GBF1: variants seen among roughly 807,000 people sequenced by gnomAD.
GBF1 encodes the protein Golgi-specific brefeldin A-resistance guanine nucleotide exchange factor 1.
In GBF1, 114 loss-of-function variants were observed where a neutral mutation model predicts 210.5. The ratio of observed to expected loss-of-function variants is 0.54; its 90% confidence interval spans 0.47 to 0.63. GBF1 has a LOEUF of 0.63. Among genes scored for constraint, GBF1 ranks in the 30% least tolerant of loss-of-function variants. The pLI is 0.00. For missense variants in GBF1, 1,851 were observed against 2,357.7 expected, an observed-to-expected ratio of 0.79 and a Z score of 4.45; for synonymous variants, 850 against 889.2, an observed-to-expected ratio of 0.96 and a Z score of 0.78.
At chr10:102,351,104 A>AT in intron 4 of GBF1, 152 bp from the exon 5 acceptor site, 1 of 539,700 alleles carries the variant, frequency 1.9e-6, no homozygotes, top group Non-Finnish European at 3.3e-6. Context: ...AAAAAAAAAA[A>AT]TCAGTTGTGG....
At chr10:102,370,062 T>A in intron 26 of GBF1, 78 bp downstream of exon 26, 2 of 1,576,390 alleles carry the variant, frequency 1.3e-6, no homozygotes, top group East Asian at 2.2e-5. Context: ...GAAGAATAAA[T>A]CATCCAGGAT....
At chr10:102,240,127 G>A in the GBF1 span, among the ~76,000 whole-genome samples, 2 of 152,222 alleles carry the variant, frequency 1.3e-5, no homozygotes, top group East Asian at 1.9e-4. Context: ...GCCATTGGTC[G>A]CCTGATACTC....
At chr10:102,309,705 T>A (rs1164590962) in intron 3 of GBF1, among the ~76,000 whole-genome samples, 54 of 152,322 alleles carry the variant, frequency 3.5e-4, no homozygotes, top group African/African-American at 1.3e-3. Context: ...ATAACCTAGT[T>A]ATGATTTTTG....
intron 20 of GBF1, 23 bp downstream of exon 20, chr10:102,367,233 G>T: frequency 1.2e-6 from 2 of 1,612,272 alleles, no homozygotes; most frequent in Non-Finnish European, 1.7e-6. Flanking sequence ...CCCAGTCAAG[G>T]CAAAGAAGAC....
chr10:102,348,311 T>C (rs2058713571), intron 4 of GBF1, among the ~76,000 whole-genome samples: 1 of 152,192 alleles, frequency 6.6e-6, no homozygotes, highest in South Asian at 2.1e-4. Context: ...AAGAGATCAG[T>C]AGAGCTTAAA....
chr10:102,274,915 T>C (rs2074801969), intron 3 of GBF1, among the ~76,000 whole-genome samples: 1 of 151,910 alleles, frequency 6.6e-6, no homozygotes, highest in Non-Finnish European at 1.5e-5. Context: ...TTTCACCATG[T>C]TGGCCAGGCT....
chr10:102,234,537 A>G, the GBF1 span, among the ~76,000 whole-genome samples: 1 of 152,056 alleles, frequency 6.6e-6, no homozygotes, highest in South Asian at 2.1e-4. Context: ...TGGAAGGGAG[A>G]TGTCCCTGAG....
At chr10:102,356,817 G>C (rs1272222823) in intron 8 of GBF1, among the ~76,000 whole-genome samples, 1 of 147,870 alleles carries the variant, frequency 6.8e-6, no homozygotes, top group South Asian at 2.1e-4. Flanking sequence ...TTTGAACTTA[G>C]AATGGAGGAA....
At chr10:102,307,443 C>CAAA (rs1214986314) in intron 3 of GBF1, among the ~76,000 whole-genome samples, 3 of 51,816 alleles carry the variant, frequency 5.8e-5, no homozygotes, top group Admixed American at 1.9e-4. Flanking sequence ...CCAACCTTGG[C>CAAA]AAAAAAAAAA....
chr10:102,302,111 A>G (rs569578466), intron 3 of GBF1, among the ~76,000 whole-genome samples: 1 of 152,112 alleles, frequency 6.6e-6, no homozygotes, highest in East Asian at 1.9e-4. Context: ...AAAAAAATAG[A>G]AAAACCAGTC....
At position 102,323,121 on chromosome 10, in the gene GBF1, C is replaced by A. The variant is rs144120585; in HGVS notation, c.164-20930C>A. The stretch of plus-strand genomic sequence containing the variant: ...TCAGCTGCGGCTGTGGTTTGGATGT[C>A]TGGTACCATGTGGCTTCCTTTGACA... On this transcript the variant is annotated intron_variant, in intron 3 of 39. Coordinates refer to ENST00000369983, the MANE Select transcript of GBF1 (RefSeq NM_001377137.1). 1.4e-3 allele frequency among the ~76,000 whole-genome samples: 209 copies of A among 150,986 alleles called. 2 individuals carry two copies. The highest frequency in any genetic ancestry group is 4.9e-3 in the African/African-American group (202 of 41,144).
intron 1 of GBF1, among the ~76,000 whole-genome samples, chr10:102,255,570 C>G (rs979968582): frequency 6.6e-6 from 1 of 152,210 alleles, no homozygotes; most frequent in Non-Finnish European, 1.5e-5. Flanking sequence ...CCATAGTCAT[C>G]CAGTTTCTTT....
At chr10:102,338,544 G>A (rs1173871912) in intron 3 of GBF1, among the ~76,000 whole-genome samples, 5 of 151,808 alleles carry the variant, frequency 3.3e-5, no homozygotes, top group Non-Finnish European at 5.9e-5. Flanking sequence ...GCGCCCAGCC[G>A]ATTTCAACTA....
intron 8 of GBF1, among the ~76,000 whole-genome samples, chr10:102,355,887 A>G (rs980999372): frequency 2.0e-5 from 3 of 152,186 alleles, no homozygotes; most frequent in African/African-American, 4.8e-5. Flanking sequence ...CTTCTCCCAT[A>G]ACATTTTTTA....
At chr10:102,375,326 G>C in intron 29 of GBF1, 33 bp from the exon 30 acceptor site, 2 of 1,279,002 alleles carry the variant, frequency 1.6e-6, no homozygotes, top group Non-Finnish European at 2.3e-6. Flanking sequence ...ACAGCTCCCC[G>C]CTTCCCCGCT....
At chr10:102,231,004 A>T in the GBF1 span, 1 of 1,597,992 alleles carries the variant, frequency 6.3e-7, no homozygotes, top group Non-Finnish European at 8.5e-7. Flanking sequence ...GGGCGGCACC[A>T]GCCCCCCGAG....
chr10:102,327,419 A>T (rs1459073351), intron 3 of GBF1, among the ~76,000 whole-genome samples: 1 of 152,246 alleles, frequency 6.6e-6, no homozygotes, highest in Non-Finnish European at 1.5e-5. Flanking sequence ...TTTAGTCAAG[A>T]GAAACAAACA....
chr10:102,254,249 T>A (rs989787031), intron 1 of GBF1, among the ~76,000 whole-genome samples: 1 of 152,166 alleles, frequency 6.6e-6, no homozygotes, highest in East Asian at 1.9e-4. Context: ...AATACTCTCC[T>A]GTAGCCAGGT....
the GBF1 span, chr10:102,232,237 A>G: frequency 3.2e-6 from 2 of 627,852 alleles, no homozygotes; most frequent in East Asian, 2.7e-5. Context: ...TCCTTAGGAT[A>G]GAATCGGGAA....
Sources: gnomAD v4.1 joint callset for allele counts (sites outside exome capture counted in the v4.1 genomes callset) on GRCh38, gnomAD v4.1.1 for gene constraint, MANE v1.5 for transcripts, NCBI Gene and HGNC (gene_info 2026-07-23, HGNC 2026-07-21) for gene names.